The following FKBP9 variants were observed in gnomAD, a reference collection of about 807,000 sequenced individuals.
FKBP9 encodes the protein peptidyl-prolyl cis-trans isomerase FKBP9.
A neutral mutation model predicts 55.6 loss-of-function variants in FKBP9; 27 were observed. The ratio of observed to expected loss-of-function variants is 0.49; its 90% confidence interval spans 0.36 to 0.67. The LOEUF is 0.67. Ranked by LOEUF, FKBP9 falls within the 30% of genes least tolerant of loss-of-function variation. The pLI is 0.00. For synonymous variants in FKBP9, 267 were observed against 296.5 expected (o/e 0.90, Z 1.02); for missense variants, 539 against 742.8 (o/e 0.73, Z 3.19).
intron 5 of FKBP9, among the ~76,000 whole-genome samples, chr7:32,981,289 C>T (rs1382482935): frequency 6.6e-6 from 1 of 152,226 alleles, no homozygotes; most frequent in Non-Finnish European, 1.5e-5. Flanking sequence ...TGTCACAGTG[C>T]TTTACAAATT....
intron 1 of FKBP9, among the ~76,000 whole-genome samples, chr7:32,974,295 A>T (rs1165844098): frequency 6.6e-6 from 1 of 151,952 alleles, no homozygotes; most frequent in East Asian, 1.9e-4. Flanking sequence ...GCCTGACCAC[A>T]GCCAACTCTT....
At chr7:32,981,318 G>T (rs567225783) in intron 5 of FKBP9, among the ~76,000 whole-genome samples, 111 of 152,330 alleles carry the variant, frequency 7.3e-4, no homozygotes, top group Non-Finnish European at 1.3e-3. Flanking sequence ...TGATCAGCTG[G>T]ACGGCACTGG....
At chr7:32,970,850 C>T (rs1784237651) in intron 1 of FKBP9, among the ~76,000 whole-genome samples, 1 of 151,466 alleles carries the variant, frequency 6.6e-6, no homozygotes, top group Admixed American at 6.6e-5. Flanking sequence ...TTACTTCTTC[C>T]TTTCCAATTT....
rs1349962017 is a variant in FKBP9 at position 32,957,541 on chromosome 7, C to T, written c.-33C>T. On this transcript the variant is annotated 5_prime_UTR_variant, in exon 1 of 10. Transcript: ENST00000242209. ...GCCGACCCGTGCCGCCCGAGCGCCG[C>T]GCTGCGTCCGCGCCACTCTTCTCGC... is the stretch of plus-strand genomic sequence containing the variant. The T allele has an allele frequency of 1.5e-6, 2 of 1,376,298 alleles. No homozygotes were observed. Among genetic ancestry groups the T allele is most frequent in the Non-Finnish European group, 1.9e-6 (2 of 1,069,666 alleles). 85.3% of individuals were successfully genotyped at this position (1,376,298 alleles called of 1,614,324 possible). A position where few individuals can be genotyped will look rare whatever the true frequency, so the allele number is the denominator to read the frequency against.
At chr7:32,969,499 G>A (rs565001041) in intron 1 of FKBP9, among the ~76,000 whole-genome samples, 1 of 152,260 alleles carries the variant, frequency 6.6e-6, no homozygotes, top group East Asian at 1.9e-4. Context: ...TACCCACTGT[G>A]TAGCCTTAGC....
intron 1 of FKBP9, among the ~76,000 whole-genome samples, chr7:32,961,494 T>C (rs1784023488): frequency 6.6e-6 from 1 of 152,140 alleles, no homozygotes; most frequent in African/African-American, 2.4e-5. Context: ...GAACCACTGC[T>C]CTAAAACAGG....
chr7:32,983,814 G>T (rs1784527919), intron 5 of FKBP9, among the ~76,000 whole-genome samples: 1 of 152,136 alleles, frequency 6.6e-6, no homozygotes, highest in African/African-American at 2.4e-5. Flanking sequence ...TTGCTATTGG[G>T]ATTGAAATTC....
chr7:32,987,250 C>T (rs1784597425), intron 5 of FKBP9, among the ~76,000 whole-genome samples: 3 of 152,160 alleles, frequency 2.0e-5, no homozygotes, highest in South Asian at 4.1e-4. Context: ...TAATTCCACA[C>T]TTTCGGAGGC....
chr7:32,978,482 C>T (rs945758048), intron 4 of FKBP9, among the ~76,000 whole-genome samples: 24 of 152,006 alleles, frequency 1.6e-4, no homozygotes, highest in African/African-American at 3.1e-4. Flanking sequence ...CTCAGCCTTC[C>T]GAATAGTTAG....
rs1395238028 is a variant in FKBP9 at position 33,006,281 on chromosome 7, C to T, written c.*930C>T. 3 of 188,732 alleles carry T rather than the reference C, an allele frequency of 1.6e-5. No individual in the cohort carries two copies. The highest frequency in any genetic ancestry group is 4.7e-5 in the African/African-American group (2 of 42,868). The allele number at this position is 188,732 out of a possible 1,614,324, so 11.7% of individuals were successfully genotyped here. A position where few individuals can be genotyped will look rare whatever the true frequency, so the allele number is the denominator to read the frequency against. The stretch of plus-strand genomic sequence containing the variant: ...TACAGGTGTGCACCACCACGCCCGG[C>T]TAATTTTTGTATTTTTAGTAGAGAC... On this transcript the variant is annotated 3_prime_UTR_variant, in exon 10 of 10. Coordinates refer to ENST00000242209, the MANE Select transcript of FKBP9 (RefSeq NM_007270.5).
chr7:32,996,708 CTCTT>C (rs1479074999), intron 7 of FKBP9, among the ~76,000 whole-genome samples: 1 of 104,534 alleles, frequency 9.6e-6, no homozygotes, highest in East Asian at 3.3e-4. Context: ...TTCTCTTTCT[CTCTT>C]TCTCTCTTTT....
chr7:32,965,828 T>TGTGTACAC (rs1315146671), intron 1 of FKBP9, among the ~76,000 whole-genome samples: 11 of 35,066 alleles, frequency 3.1e-4, no homozygotes, highest in African/African-American at 1.2e-3. Context: ...TATATATATA[T>TGTGTACAC]ATATATATAT....
intron 5 of FKBP9, among the ~76,000 whole-genome samples, chr7:32,986,960 T>C (rs1386028671): frequency 6.6e-6 from 1 of 152,246 alleles, no homozygotes; most frequent in Non-Finnish European, 1.5e-5. Context: ...ATCATTATGC[T>C]GTGGGGAATT....
chr7:32,970,470 A>T (rs1287210305), intron 1 of FKBP9, among the ~76,000 whole-genome samples: 5 of 152,034 alleles, frequency 3.3e-5, no homozygotes, highest in Non-Finnish European at 7.4e-5. Context: ...TGCAGGGATT[A>T]CATGCATGAG....
intron 6 of FKBP9, among the ~76,000 whole-genome samples, chr7:32,991,763 A>G (rs1167922361): frequency 6.6e-6 from 1 of 152,208 alleles, no homozygotes; most frequent in Non-Finnish European, 1.5e-5. Flanking sequence ...TTGCAGCCTC[A>G]AAGTGGAGAA....
intron 9 of FKBP9, 76 bp from the exon 10 acceptor site, chr7:33,005,099 C>T: frequency 6.4e-7 from 1 of 1,562,208 alleles, no homozygotes; most frequent in Non-Finnish European, 8.7e-7. Flanking sequence ...CACCCCCAGA[C>T]TGCTCTGTTT....
chr7:32,976,597 G>T, intron 4 of FKBP9, 98 bp downstream of exon 4: 3 of 1,488,626 alleles, frequency 2.0e-6, no homozygotes, highest in Non-Finnish European at 2.7e-6. Flanking sequence ...TAGACCTTTC[G>T]GTCTAGACCT....
At chr7:32,985,738 A>C (rs1466688317) in intron 5 of FKBP9, among the ~76,000 whole-genome samples, 2 of 152,086 alleles carry the variant, frequency 1.3e-5, no homozygotes, top group Admixed American at 1.3e-4. Flanking sequence ...TACACCTGTA[A>C]TCCCAGCACT....
At chr7:32,999,894 T>C (rs1784900831) in intron 7 of FKBP9, among the ~76,000 whole-genome samples, 1 of 152,112 alleles carries the variant, frequency 6.6e-6, no homozygotes, top group African/African-American at 2.4e-5. Flanking sequence ...ACTTCCACAG[T>C]CTTGCCTGGA....
Sources: allele counts gnomAD v4.1 joint callset (sites outside exome capture counted in the v4.1 genomes callset), GRCh38; gene constraint gnomAD v4.1.1; transcripts MANE v1.5; gene names NCBI Gene and HGNC (gene_info 2026-07-23, HGNC 2026-07-21).